ERMP1: variants seen among roughly 807,000 people sequenced by gnomAD.
The protein encoded by ERMP1 is endoplasmic reticulum metallopeptidase 1.
ERMP1 carries 86 observed loss-of-function variants against 92.0 expected under a neutral mutation model. That is an observed-to-expected ratio of 0.93 (90% CI 0.79 to 1.12). ERMP1 has a LOEUF of 1.12. Ranked by LOEUF, ERMP1 falls within the 50% of genes most tolerant of loss-of-function variation. The probability of loss-of-function intolerance (pLI) is 0.00; values close to 1 mark genes in which losing one functional copy is unlikely to be tolerated. For missense variants in ERMP1, 1,342 were observed against 1,116.3 expected, an observed-to-expected ratio of 1.20 and a Z score of -2.88; for synonymous variants, 530 against 412.8, an observed-to-expected ratio of 1.28 and a Z score of -3.44.
chr9:5,836,631 TTTTG>T (rs954411242), upstream of ERMP1, among the ~76,000 whole-genome samples: 5 of 152,124 alleles, frequency 3.3e-5, no homozygotes, highest in East Asian at 1.9e-4. Context: ...TTTTTTAGGT[TTTTG>T]TTTGTTTGTT....
intron 13 of ERMP1, among the ~76,000 whole-genome samples, chr9:5,788,047 A>T (rs1828016256): frequency 6.6e-6 from 1 of 152,236 alleles, no homozygotes; most frequent in Non-Finnish European, 1.5e-5. Flanking sequence ...TTCAAGCTGG[A>T]AAATATTAGC....
chr9:5,819,999 CA>C (rs1158816355), intron 4 of ERMP1, among the ~76,000 whole-genome samples: 1 of 152,158 alleles, frequency 6.6e-6, no homozygotes, highest in African/African-American at 2.4e-5. Context: ...AAAAAGAATT[CA>C]TTCTAAAGAA....
chr9:5,827,773 C>T (rs927475788), intron 2 of ERMP1, among the ~76,000 whole-genome samples: 8 of 151,724 alleles, frequency 5.3e-5, no homozygotes, highest in East Asian at 3.9e-4. Flanking sequence ...GCAGAGATAG[C>T]GCCACTGCAG....
chr9:5,855,947 A>T (rs1586842597), intron 6 of ERMP1: 1 of 263,950 alleles, frequency 3.8e-6, no homozygotes, highest in Non-Finnish European at 7.8e-6. Context: ...TCCTGGCAGC[A>T]ACTGCTTCGA....
At chr9:5,845,989 G>T (rs1229611067) in intron 6 of ERMP1, among the ~76,000 whole-genome samples, 1 of 152,306 alleles carries the variant, frequency 6.6e-6, no homozygotes, top group Admixed American at 6.5e-5. Flanking sequence ...GGCAAATGTG[G>T]CCAGTCAGTG....
chr9:5,796,752 AGGG>A (rs1187720108), intron 13 of ERMP1, among the ~76,000 whole-genome samples: 2 of 152,212 alleles, frequency 1.3e-5, no homozygotes, highest in Non-Finnish European at 2.9e-5. Context: ...GGTGAAGCAC[AGGG>A]CATTTCTAGA....
rs1178523262 is a variant in ERMP1, at chr9:5,842,447, A to G, written n.3200-9135T>C. ...ACGAGACTGTCTCAAAAAAAAAAAA[A>G]AAAGAAAGAAAAGAAAAAAGAAAAA... On this transcript the variant is annotated intron_variant and non_coding_transcript_variant, in intron 6 of 6. Transcript: ENST00000690753. Among the ~76,000 whole-genome samples, 3 of 150,380 alleles carry G rather than the reference A, an allele frequency of 2.0e-5. No individual in the cohort carries two copies. The East Asian group carries it at 5.9e-4, about 30-fold the overall frequency.
At chr9:5,838,729 T>C (rs1289027554) in intron 6 of ERMP1, among the ~76,000 whole-genome samples, 2 of 152,054 alleles carry the variant, frequency 1.3e-5, no homozygotes, top group Non-Finnish European at 2.9e-5. Flanking sequence ...ACGTCATATA[T>C]TATTAAACAC....
In ERMP1 at chr9:5,812,839, C is replaced by G. The variant is rs773192000; in HGVS notation, c.1021+50G>C. Reference sequence around the variant, plus strand: ...ACATACTTTCAAGATTTAAAATTTGCTTTTGATAAATAAATGCTGCACAGT... The same window carrying G: ...ACATACTTTCAAGATTTAAAATTTGGTTTTGATAAATAAATGCTGCACAGT... On this transcript the variant is annotated intron_variant, in intron 5 of 14. Coordinates refer to ENST00000339450, the MANE Select transcript of ERMP1 (RefSeq NM_024896.3). 7.5e-6 allele frequency: 12 copies of G among 1,608,246 alleles called. No homozygotes were observed. The African/African-American group carries it at 1.6e-4, about 22-fold the overall frequency.
rs1827873860 is a variant in ERMP1, at chr9:5,784,906, A to T, written c.*2238T>A. On this transcript the variant is annotated 3_prime_UTR_variant, in exon 15 of 15. Coordinates refer to ENST00000339450, the MANE Select transcript of ERMP1 (RefSeq NM_024896.3). ...GTAGAAAATAATGCATTTGTTAGTGACTTTGTTAGAGCTTGAAAAGACCCT... is the reference window on the plus strand; with the variant it reads ...GTAGAAAATAATGCATTTGTTAGTGTCTTTGTTAGAGCTTGAAAAGACCCT... 6.6e-6 allele frequency: 1 copy of T among 152,378 alleles called. No individual in the cohort carries two copies. Among genetic ancestry groups the T allele is most frequent in the Non-Finnish European group, 1.5e-5 (1 of 68,038 alleles). 9.4% of individuals were successfully genotyped at this position (152,378 alleles called of 1,614,324 possible). A position where few individuals can be genotyped will look rare whatever the true frequency, so the allele number is the denominator to read the frequency against.
At chr9:5,838,089 CTG>C (rs1029529338), upstream of ERMP1, among the ~76,000 whole-genome samples, 5 of 151,988 alleles carry the variant, frequency 3.3e-5, no homozygotes, top group African/African-American at 1.2e-4. Flanking sequence ...TAGAACGAGA[CTG>C]TGTCTCCAAA....
intron 5 of ERMP1, among the ~76,000 whole-genome samples, chr9:5,865,837 CAAAAAA>C (rs67420468): frequency 4.6e-5 from 5 of 109,614 alleles, no homozygotes; most frequent in Admixed American, 9.6e-5. Flanking sequence ...GGCTCTGTCT[CAAAAAA>C]AAAAAAAAAA....
rs1827994093 is a variant in ERMP1 at position 5,787,515 on chromosome 9, G to A, written c.2465C>T (p.Pro822Leu). The A allele has an allele frequency of 3.7e-6, 6 of 1,613,998 alleles. No individual in the cohort carries two copies. The highest frequency in any genetic ancestry group is 5.1e-6 in the Non-Finnish European group (6 of 1,179,974). The change falls in exon 14 of 15, where the codon CCA becomes CTA. Residue 822 changes from proline to leucine, a missense_variant. By Grantham distance (98) the Pro-to-Leu change is moderately conservative (BLOSUM62 -3). Transcript: ENST00000339450. ...GTAGTCTCCTCCTTTACTTGTGACT[G>A]GGGTGCCATTGCCAAGAGACCACTG... The part of the protein sequence containing the change: ...LSQWSLGNGT[P>L]VTSKGGDYFV...
chr9:5,856,227 T>G (rs1289537596), intron 6 of ERMP1: 1 of 287,734 alleles, frequency 3.5e-6, no homozygotes, highest in East Asian at 1.4e-4. Flanking sequence ...GTTCTCCAAC[T>G]CTGACACCAT....
chr9:5,792,670 T>C (rs530662321), intron 13 of ERMP1, among the ~76,000 whole-genome samples: 1 of 152,332 alleles, frequency 6.6e-6, no homozygotes, highest in Admixed American at 6.5e-5. Flanking sequence ...TCATGTGACT[T>C]ACCTATTGTT....
At chr9:5,797,985 C>T in intron 12 of ERMP1, 53 bp from the exon 13 acceptor site, 1 of 1,070,584 alleles carries the variant, frequency 9.3e-7, no homozygotes, top group Non-Finnish European at 1.5e-6. Flanking sequence ...TGATGGCTAT[C>T]TGTAACTCAC....
rs531324982 is a variant in ERMP1, at chr9:5,814,830, A to T, written c.875-1795T>A. ...CAGATACTGGAGTTACCAGACACAG[A>T]TTCTAAAATAATTATGATTAATATG... On this transcript the variant is annotated intron_variant, in intron 4 of 14. Transcript: ENST00000339450. 1.2e-4 allele frequency among the ~76,000 whole-genome samples: 19 copies of T among 152,354 alleles called. 1 individual carries two copies. In the East Asian group the frequency reaches 3.7e-3, roughly 29 times the overall value.
intron 4 of ERMP1, among the ~76,000 whole-genome samples, chr9:5,816,219 AGATT>A (rs1415173470): frequency 6.6e-6 from 1 of 152,208 alleles, no homozygotes; most frequent in Non-Finnish European, 1.5e-5. Flanking sequence ...GTAGGAACCC[AGATT>A]TTTTTTTAAA....
intron 6 of ERMP1, among the ~76,000 whole-genome samples, chr9:5,848,686 C>A (rs2129751306): frequency 1.2e-5 from 1 of 84,338 alleles, no homozygotes; most frequent in African/African-American, 4.0e-5. Context: ...AATGACCTCT[C>A]TCTACCTCCA....
Sources: gnomAD v4.1 joint callset for allele counts (sites outside exome capture counted in the v4.1 genomes callset) on GRCh38, gnomAD v4.1.1 for gene constraint, MANE v1.5 for transcripts, NCBI Gene and HGNC (gene_info 2026-07-23, HGNC 2026-07-21) for gene names.